Variants in TNKS observed in about 807,000 individuals in gnomAD.
TNKS encodes the protein tankyrase.
Under a neutral mutation model 135.8 loss-of-function variants are expected in TNKS, and 72 were observed. The ratio of observed to expected loss-of-function variants is 0.53; its 90% CI spans 0.44 to 0.64. TNKS has a LOEUF of 0.64. TNKS is among the 30% of genes least tolerant of loss of function. The probability of loss-of-function intolerance (pLI) is 0.00; values close to 1 mark genes in which losing one functional copy is unlikely to be tolerated. For synonymous variants in TNKS, 849 were observed against 649.3 expected, an observed-to-expected ratio of 1.31 and a Z score of -4.68; for missense variants, 1,769 against 1,674.0, an observed-to-expected ratio of 1.06 and a Z score of -0.99.
chr8:9,569,257 A>G (rs1797669015), intron 1 of TNKS, among the ~76,000 whole-genome samples: 1 of 152,220 alleles, frequency 6.6e-6, no homozygotes, highest in Admixed American at 6.5e-5. Flanking sequence ...ATAGTTTCTT[A>G]GTGTGGACAT....
Position 9,653,564 on chromosome 8 carries a change from A to G in TNKS, c.995-26387A>G, listed in dbSNP as rs148129102. Among the ~76,000 whole-genome samples, 226 of 152,066 alleles carry G rather than the reference A, an allele frequency of 1.5e-3. 1 individual carries two copies. The highest frequency in any genetic ancestry group is 5.3e-3 in the African/African-American group (222 of 41,498). On this transcript the variant is annotated intron_variant, in intron 3 of 26. Coordinates refer to ENST00000310430, the MANE Select transcript of TNKS (RefSeq NM_003747.3). The stretch of plus-strand genomic sequence containing the variant: ...AGCAAAGACGCCAAGCATGAGAGGC[A>G]ACCACACTTTATAACAACTCACTCT...
chr8:9,566,678 G>A (rs868669165), intron 1 of TNKS, among the ~76,000 whole-genome samples: 1 of 141,564 alleles, frequency 7.1e-6, no homozygotes, highest in Non-Finnish European at 1.5e-5. Flanking sequence ...GCGCAATCTC[G>A]GCTCACTGCA....
intron 20 of TNKS, among the ~76,000 whole-genome samples, chr8:9,757,657 C>T (rs188983342): frequency 1.2e-4 from 18 of 152,266 alleles, no homozygotes; most frequent in Admixed American, 2.0e-4. Context: ...AAGACATTGA[C>T]CCACTTTTTG....
At chr8:9,689,944 T>C (rs1185812987) in intron 5 of TNKS, among the ~76,000 whole-genome samples, 1 of 152,202 alleles carries the variant, frequency 6.6e-6, no homozygotes, top group Non-Finnish European at 1.5e-5. Flanking sequence ...TCTTTGATGC[T>C]TAGATATGAA....
chr8:9,631,292 A>G (rs1800279067), intron 3 of TNKS, among the ~76,000 whole-genome samples: 1 of 152,220 alleles, frequency 6.6e-6, no homozygotes, highest in East Asian at 1.9e-4. Context: ...CATGTCAATC[A>G]TGAGCCATTT....
intron 12 of TNKS, among the ~76,000 whole-genome samples, chr8:9,723,920 T>C (rs1193752499): frequency 1.3e-5 from 2 of 152,230 alleles, no homozygotes; most frequent in East Asian, 1.9e-4. Flanking sequence ...AGGCTTATGA[T>C]ACCTAAATTA....
intron 17 of TNKS, among the ~76,000 whole-genome samples, chr8:9,736,350 TAAAAA>T (rs1204895063): frequency 1.1e-5 from 1 of 87,470 alleles, no homozygotes; most frequent in Non-Finnish European, 2.2e-5. Flanking sequence ...AGACCTCATC[TAAAAA>T]AAAAAAAAAA....
chr8:9,579,853 G>A (rs1428850234), intron 1 of TNKS, among the ~76,000 whole-genome samples: 1 of 152,212 alleles, frequency 6.6e-6, no homozygotes, highest in African/African-American at 2.4e-5. Flanking sequence ...TGAGGGGAAA[G>A]TGAGTTCCTG....
At chr8:9,700,763 G>A (rs1032863409) in intron 5 of TNKS, among the ~76,000 whole-genome samples, 1 of 151,690 alleles carries the variant, frequency 6.6e-6, no homozygotes, top group African/African-American at 2.4e-5. Flanking sequence ...TTTTTTCACC[G>A]ACTTCCTGTC....
rs549909727 is a variant in TNKS, at chr8:9,621,594, G to GT, written c.994+5924dup. On this transcript the variant is annotated intron_variant, in intron 3 of 26. Coordinates refer to ENST00000310430, the MANE Select transcript of TNKS (RefSeq NM_003747.3). The stretch of plus-strand genomic sequence containing the variant: ...GTGCTGGAATTACAGGCTTATTTTT[G>GT]TTTTTTTCTTTTGGCCATTGTTCTG... Among the ~76,000 whole-genome samples the GT allele has an allele frequency of 8.2e-4, 124 of 151,904 alleles. 1 individual carries two copies. In the South Asian group the frequency reaches 0.024, roughly 29 times the overall value.
intron 3 of TNKS, among the ~76,000 whole-genome samples, chr8:9,656,115 A>G (rs527750407): frequency 2.6e-5 from 4 of 152,374 alleles, no homozygotes; most frequent in South Asian, 2.1e-4. Flanking sequence ...TCAGTAGCCA[A>G]TGCGATCAAC....
chr8:9,637,976 T>C (rs1413563726), intron 3 of TNKS, among the ~76,000 whole-genome samples: 4 of 152,196 alleles, frequency 2.6e-5, no homozygotes, highest in Admixed American at 1.3e-4. Flanking sequence ...TATTTACTTA[T>C]ACATTTTCTA....
Position 9,556,042 on chromosome 8 carries a change from C to T in TNKS, c.103C>T (p.Leu35Phe). The change falls in exon 1 of 27, where the codon CTC becomes TTC. Residue 35 changes from leucine (L) to phenylalanine (F), a missense_variant. By Grantham distance (22) the Leu-to-Phe change is conservative. Transcript: ENST00000310430. Reference sequence around the variant, plus strand: ...GCCGCCGCCGCCACCTCCTCCCCCACTCAGCCCTGGCCTGGCCCCGGGGAC... The same window carrying T: ...GCCGCCGCCGCCACCTCCTCCCCCATTCAGCCCTGGCCTGGCCCCGGGGAC... Reference protein sequence around the residue: ...SAPPPPPPPPLSPGLAPGTTP... With the variant: ...SAPPPPPPPPFSPGLAPGTTP... 24 of 1,611,552 alleles carry T rather than the reference C, an allele frequency of 1.5e-5. No homozygotes were observed. The highest frequency in any genetic ancestry group is 2.0e-5 in the Non-Finnish European group (24 of 1,179,410).
At chr8:9,679,925 C>G (rs772049234) in intron 3 of TNKS, 26 bp from the exon 4 acceptor site, 15 of 1,600,276 alleles carry the variant, frequency 9.4e-6, no homozygotes. Context: ...CAAATGCTAA[C>G]AGCATGATAT....
chr8:9,575,244 G>A, intron 1 of TNKS: 2 of 491,624 alleles, frequency 4.1e-6, no homozygotes, highest in Non-Finnish European at 2.6e-6. Context: ...CCGCCACCAC[G>A]CAGGGCTAAT....
intron 5 of TNKS, among the ~76,000 whole-genome samples, chr8:9,684,926 A>G (rs142876876): frequency 3.3e-4 from 51 of 152,286 alleles, no homozygotes; most frequent in African/African-American, 1.2e-3. Context: ...ATACAGTTAT[A>G]AAGTGCTGAT....
chr8:9,754,644 G>A (rs898746329), intron 20 of TNKS, among the ~76,000 whole-genome samples: 3 of 152,120 alleles, frequency 2.0e-5, no homozygotes, highest in Admixed American at 1.3e-4. Flanking sequence ...TACTAGCTGT[G>A]TAAAATTGGG....
rs1385762306 is a variant in TNKS, at chr8:9,680,715, C to T, written c.1032-10C>T. On this transcript the variant is annotated splice_polypyrimidine_tract_variant and intron_variant, in intron 4 of 26. Coordinates refer to ENST00000310430, the MANE Select transcript of TNKS (RefSeq NM_003747.3). ...AATTTTAGAGGAATTGACTTACTAC[C>T]TTTTTATAGGAGTGGTAATGAAGAA... 1 of 1,592,064 alleles carries T rather than the reference C, an allele frequency of 6.3e-7. No homozygotes were observed. Among genetic ancestry groups the T allele is most frequent in the Non-Finnish European group, 8.6e-7 (1 of 1,165,044 alleles).
intron 3 of TNKS, among the ~76,000 whole-genome samples, chr8:9,679,307 G>A (rs1405002751): frequency 6.6e-6 from 1 of 152,120 alleles, no homozygotes; most frequent in Non-Finnish European, 1.5e-5. Context: ...TGCCATTTAA[G>A]AATGTATTCA....
Sources: gnomAD v4.1 joint callset for allele counts (sites outside exome capture counted in the v4.1 genomes callset) on GRCh38, gnomAD v4.1.1 for gene constraint, MANE v1.5 for transcripts, NCBI Gene and HGNC (gene_info 2026-07-23, HGNC 2026-07-21) for gene names.